Variants in RALYL observed in about 807,000 individuals in gnomAD.
RALYL encodes the protein RALY RNA binding protein like.
A neutral mutation model predicts 35.1 loss-of-function variants in RALYL; 29 were observed. The ratio of observed to expected loss-of-function variants is 0.83; its 90% CI spans 0.61 to 1.13. The LOEUF is 1.13. Ranked by LOEUF, RALYL falls within the 50% of genes most tolerant of loss-of-function variation. RALYL has a pLI of 0.00. For synonymous variants in RALYL, 120 were observed against 127.6 expected (o/e 0.94, Z 0.40); for missense variants, 359 against 360.4 (o/e 1.00, Z 0.03).
At chr8:84,899,715 C>G (rs372912213) in intron 8 of RALYL, among the ~76,000 whole-genome samples, 1 of 152,102 alleles carries the variant, frequency 6.6e-6, no homozygotes, top group South Asian at 2.1e-4. Flanking sequence ...TTGACTCTAT[C>G]GTGTTGGTTT....
At chr8:84,221,521 A>T (rs1822211420) in intron 1 of RALYL, among the ~76,000 whole-genome samples, 1 of 152,046 alleles carries the variant, frequency 6.6e-6, no homozygotes, top group African/African-American at 2.4e-5. Context: ...GTTAGACCTT[A>T]TGCAAATTAC....
intron 6 of RALYL, among the ~76,000 whole-genome samples, chr8:84,866,108 T>G (rs1176498828): frequency 6.6e-6 from 1 of 152,180 alleles, no homozygotes; most frequent in Admixed American, 6.5e-5. Context: ...AAAGAGAGAA[T>G]GTACTATTGG....
chr8:84,912,069 G>A (rs34327710), intron 8 of RALYL, among the ~76,000 whole-genome samples: 67,588 of 151,910 alleles, frequency 0.44, 17,926 homozygotes, highest in Non-Finnish European at 0.57. Context: ...GTCAGTGGGT[G>A]GGGCTGAAAG....
intron 7 of RALYL, among the ~76,000 whole-genome samples, chr8:84,877,145 A>G (rs947748130): frequency 1.3e-5 from 2 of 152,154 alleles, no homozygotes; most frequent in African/African-American, 4.8e-5. Context: ...TGTTCTCTGA[A>G]AAGAAACTTA....
chr8:84,208,837 G>T (rs1818711307), intron 1 of RALYL, among the ~76,000 whole-genome samples: 1 of 152,010 alleles, frequency 6.6e-6, no homozygotes, highest in African/African-American at 2.4e-5. Flanking sequence ...AAACAAAGCG[G>T]AAACTTTCCT....
chr8:84,309,702 A>G (rs1842397197), intron 1 of RALYL, among the ~76,000 whole-genome samples: 1 of 152,218 alleles, frequency 6.6e-6, no homozygotes, highest in Non-Finnish European at 1.5e-5. Context: ...AATAAAGGTA[A>G]CACTGGAAAA....
intron 1 of RALYL, among the ~76,000 whole-genome samples, chr8:84,230,708 C>T (rs1365274027): frequency 6.6e-6 from 1 of 152,174 alleles, no homozygotes; most frequent in Non-Finnish European, 1.5e-5. Flanking sequence ...TTTTTGAGCA[C>T]ATTTTTATGC....
At chr8:84,444,186 G>A (rs1026866533) in intron 1 of RALYL, among the ~76,000 whole-genome samples, 5 of 151,956 alleles carry the variant, frequency 3.3e-5, no homozygotes, top group South Asian at 2.1e-4. Context: ...AATGTTAGCC[G>A]GGCATTGTGG....
intron 7 of RALYL, among the ~76,000 whole-genome samples, chr8:84,874,390 C>G (rs1291582533): frequency 1.3e-5 from 2 of 152,170 alleles, no homozygotes; most frequent in Non-Finnish European, 2.9e-5. Flanking sequence ...ACCTGTATAT[C>G]TAATTAGTGA....
At chr8:84,278,205 C>T (rs1006056215) in intron 1 of RALYL, among the ~76,000 whole-genome samples, 2 of 152,242 alleles carry the variant, frequency 1.3e-5, no homozygotes, top group Non-Finnish European at 2.9e-5. Flanking sequence ...GCAGGCTCAA[C>T]ACCATGTGTA....
At chr8:84,619,779 G>A (rs1227367185) in intron 2 of RALYL, among the ~76,000 whole-genome samples, 3 of 151,312 alleles carry the variant, frequency 2.0e-5, no homozygotes, top group Non-Finnish European at 4.4e-5. Context: ...GCTCTTTTAG[G>A]GCAGGCCTGA....
chr8:84,851,477 A>T (rs1835850727), intron 5 of RALYL, among the ~76,000 whole-genome samples: 2 of 152,352 alleles, frequency 1.3e-5, no homozygotes, highest in South Asian at 4.1e-4. Context: ...ATATAGATAG[A>T]TTACGGGATT....
At chr8:84,542,775 T>C (rs1257492132) in intron 2 of RALYL, among the ~76,000 whole-genome samples, 1 of 152,182 alleles carries the variant, frequency 6.6e-6, no homozygotes, top group Non-Finnish European at 1.5e-5. Context: ...ATTATCTCAC[T>C]GAATATAATT....
At chr8:84,541,037 C>CATCT (rs1450434899) in intron 2 of RALYL, among the ~76,000 whole-genome samples, 1 of 151,572 alleles carries the variant, frequency 6.6e-6, no homozygotes, top group Non-Finnish European at 1.5e-5. Flanking sequence ...TCAGATTAGT[C>CATCT]ATCTATTCAA....
intron 2 of RALYL, among the ~76,000 whole-genome samples, chr8:84,537,046 A>G (rs2059657884): frequency 6.6e-6 from 1 of 151,854 alleles, no homozygotes; most frequent in Non-Finnish European, 1.5e-5. Flanking sequence ...TAGTTCATCA[A>G]TTGCAGAATG....
chr8:84,305,484 T>A (rs1285437773), intron 1 of RALYL, among the ~76,000 whole-genome samples: 1 of 152,190 alleles, frequency 6.6e-6, no homozygotes, highest in Non-Finnish European at 1.5e-5. Context: ...AAAATTTGTA[T>A]AGATTTAATT....
chr8:84,711,651 A>C (rs1320847676), intron 2 of RALYL, among the ~76,000 whole-genome samples: 1 of 152,174 alleles, frequency 6.6e-6, no homozygotes, highest in Non-Finnish European at 1.5e-5. Flanking sequence ...GGCTGTTGCC[A>C]GTCTCAATTG....
intron 2 of RALYL, among the ~76,000 whole-genome samples, chr8:84,643,567 T>C (rs952599950): frequency 2.0e-5 from 3 of 152,026 alleles, no homozygotes; most frequent in African/African-American, 7.2e-5. Context: ...GGCATCCCTA[T>C]GCCCCATCAT....
At chr8:84,213,060 A>G (rs186255435) in intron 1 of RALYL, among the ~76,000 whole-genome samples, 81 of 152,302 alleles carry the variant, frequency 5.3e-4, no homozygotes, top group African/African-American at 1.8e-3. Flanking sequence ...CAGAGTATAT[A>G]GATACAATAG....
Sources: allele counts gnomAD v4.1 joint callset (sites outside exome capture counted in the v4.1 genomes callset), GRCh38; gene constraint gnomAD v4.1.1; transcripts MANE v1.5; gene names NCBI Gene and HGNC (gene_info 2026-07-23, HGNC 2026-07-21).